The following MAML2 variants were observed in gnomAD, a reference collection of about 807,000 sequenced individuals.
MAML2 encodes the protein mastermind like transcriptional coactivator 2, also known as mastermind-like protein 2.
Under a neutral mutation model 96.1 loss-of-function variants are expected in MAML2, and 22 were observed. The ratio of observed to expected loss-of-function variants is 0.23; its 90% CI spans 0.16 to 0.33. The LOEUF (loss-of-function observed/expected upper bound fraction) is 0.33. MAML2 is among the 10% of genes least tolerant of loss of function. The probability of loss-of-function intolerance (pLI) is 1.00; values close to 1 mark genes in which losing one functional copy is unlikely to be tolerated. For synonymous variants in MAML2, 561 were observed against 521.3 expected (o/e 1.08, Z -1.04); for missense variants, 1,367 against 1,392.4 (o/e 0.98, Z 0.29).
At chr11:95,994,753 A>T (rs2135712629) in intron 2 of MAML2, among the ~76,000 whole-genome samples, 1 of 152,280 alleles carries the variant, frequency 6.6e-6, no homozygotes, top group South Asian at 2.1e-4. Flanking sequence ...CTTTCAAAAG[A>T]AGATTTTGTG....
rs182433931 is a variant in MAML2, at chr11:96,066,969, G to T, written c.2139+24923C>A. ...GATAGAGAAATAGAGAGAGCGGAGG[G>T]AGCTGTGGTAGGAGCAGTGGGCAGT... On this transcript the variant is annotated intron_variant, in intron 2 of 4. Transcript: ENST00000524717. 3.5e-3 allele frequency among the ~76,000 whole-genome samples: 532 copies of T among 152,302 alleles called. 4 individuals carry two copies. The highest frequency in any genetic ancestry group is 0.012 in the African/African-American group (502 of 41,568).
intron 2 of MAML2, among the ~76,000 whole-genome samples, chr11:96,072,237 G>C (rs540198898): frequency 2.0e-5 from 3 of 152,140 alleles, no homozygotes; most frequent in Non-Finnish European, 4.4e-5. Context: ...CCACATTTCT[G>C]TGTAGTTAAA....
intron 1 of MAML2, among the ~76,000 whole-genome samples, chr11:96,273,229 A>G (rs760760657): frequency 1.1e-4 from 16 of 152,216 alleles, no homozygotes; most frequent in Non-Finnish European, 1.9e-4. Context: ...CTGTTTATAA[A>G]TCAAGGCAAT....
intron 1 of MAML2, among the ~76,000 whole-genome samples, chr11:96,127,471 A>C (rs1402318522): frequency 2.0e-5 from 3 of 152,232 alleles, no homozygotes; most frequent in Admixed American, 6.5e-5. Context: ...CATCAAGGTC[A>C]ACTAGACATT....
intron 2 of MAML2, among the ~76,000 whole-genome samples, chr11:96,007,655 TTTG>T (rs1858205705): frequency 6.6e-6 from 1 of 151,908 alleles, no homozygotes; most frequent in African/African-American, 2.4e-5. Flanking sequence ...TAAGTATATA[TTTG>T]TTGTTAAGTA....
chr11:96,147,744 A>G (rs1239438773), intron 1 of MAML2, among the ~76,000 whole-genome samples: 1 of 152,274 alleles, frequency 6.6e-6, no homozygotes, highest in African/African-American at 2.4e-5. Flanking sequence ...AGGAAAATGA[A>G]TTTAGAGATG....
At chr11:96,294,092 G>A (rs138939855) in intron 1 of MAML2, among the ~76,000 whole-genome samples, 7 of 152,262 alleles carry the variant, frequency 4.6e-5, no homozygotes, top group African/African-American at 7.2e-5. Flanking sequence ...TTTTTAAACC[G>A]TTCTTCAAAA....
intron 1 of MAML2, among the ~76,000 whole-genome samples, chr11:96,159,048 T>C (rs1160353951): frequency 6.6e-6 from 1 of 152,198 alleles, no homozygotes; most frequent in Non-Finnish European, 1.5e-5. Flanking sequence ...AAGGAATCCC[T>C]GAAGGGTTAG....
intron 1 of MAML2, among the ~76,000 whole-genome samples, chr11:96,338,033 A>G (rs1863941009): frequency 6.6e-6 from 1 of 152,190 alleles, no homozygotes; most frequent in South Asian, 2.1e-4. Flanking sequence ...AGAAAAGATA[A>G]TCTCTGAAGC....
intron 1 of MAML2, among the ~76,000 whole-genome samples, chr11:96,177,916 T>TTGTGTGTG (rs58447778): frequency 0.1 from 13,933 of 139,700 alleles, 889 homozygotes; most frequent in Non-Finnish European, 0.14. Context: ...GAGACCTTAG[T>TTGTGTGTG]TGTGTGTGTG....
In MAML2 at chr11:96,135,862, CAA is replaced by C. The variant is rs10533557; in HGVS notation, c.514-42347_514-42346del. Among the ~76,000 whole-genome samples, 141 of 140,992 alleles carry C rather than the reference CAA, an allele frequency of 1.0e-3. 1 individual carries two copies. Among genetic ancestry groups the C allele is most frequent in the Middle Eastern group, 3.9e-3 (1 of 256 alleles). 92.5% of individuals were successfully genotyped at this position (140,992 alleles called of 152,430 possible). On this transcript the variant is annotated intron_variant, in intron 1 of 4. Transcript: ENST00000524717. ...TGGGCAACAGAGTGAGACACCATCT[CAA>C]AAAAAAAAAAAAAAATTATATTGAA...
chr11:96,064,520 T>C (rs193169955), intron 2 of MAML2, among the ~76,000 whole-genome samples: 34 of 152,386 alleles, frequency 2.2e-4, no homozygotes, highest in Non-Finnish European at 4.7e-4. Flanking sequence ...CAGATGTTAC[T>C]AAGTTCAAGT....
chr11:96,082,067 A>G (rs1023343705), intron 2 of MAML2, among the ~76,000 whole-genome samples: 3 of 151,856 alleles, frequency 2.0e-5, no homozygotes, highest in Non-Finnish European at 4.4e-5. Context: ...GTATATTGAC[A>G]CTTTCTCTCA....
At position 95,991,507 on chromosome 11, in the gene MAML2, G is replaced by A. The variant is rs772444267; in HGVS notation, c.2343+13C>T. On this transcript the variant is annotated intron_variant, in intron 3 of 4. Transcript: ENST00000524717. ...AACAGGTTTGTTCAGTAGAAATTAAGAGAAAGTTTTACCGCGTCAGCCAGC... is the reference window on the plus strand; with the variant it reads ...AACAGGTTTGTTCAGTAGAAATTAAAAGAAAGTTTTACCGCGTCAGCCAGC... 1.2e-6 allele frequency: 2 copies of A among 1,612,956 alleles called. No homozygotes were observed. The highest frequency in any genetic ancestry group is 1.7e-6 in the Non-Finnish European group (2 of 1,179,068).
chr11:96,151,817 T>C lies in MAML2; in HGVS notation c.514-58300A>G, dbSNP rs556121754. On this transcript the variant is annotated intron_variant, in intron 1 of 4. Transcript: ENST00000524717. ...GAGCCAATGAAACCTCTTTTGTTTA[T>C]AAATTACTCAGTCTCAGGTATTTTT... Among the ~76,000 whole-genome samples the C allele has an allele frequency of 7.2e-5, 11 of 152,366 alleles. No individual in the cohort carries two copies. In the South Asian group the frequency reaches 1.4e-3, roughly 20 times the overall value.
At chr11:96,006,042 T>C (rs1314854977) in intron 2 of MAML2, among the ~76,000 whole-genome samples, 1 of 152,222 alleles carries the variant, frequency 6.6e-6, no homozygotes, top group Non-Finnish European at 1.5e-5. Flanking sequence ...TGTAGTCTAA[T>C]GTGACATGAT....
Position 96,180,277 on chromosome 11 carries a change from G to C in MAML2, c.514-86760C>G, listed in dbSNP as rs1861461992. On this transcript the variant is annotated intron_variant, in intron 1 of 4. Coordinates refer to ENST00000524717, the MANE Select transcript of MAML2 (RefSeq NM_032427.4). ...GATTTTGACACTCCTCCCCCTGAGA[G>C]GTGGGTCTACGTTCCCTCCTCTCGA... Among the ~76,000 whole-genome samples, 4 of 152,328 alleles carry C rather than the reference G, an allele frequency of 2.6e-5. No homozygotes were observed. In the South Asian group the frequency reaches 8.3e-4, roughly 32 times the overall value.
chr11:96,283,465 G>A (rs913119676), intron 1 of MAML2, among the ~76,000 whole-genome samples: 2 of 152,138 alleles, frequency 1.3e-5, no homozygotes, highest in African/African-American at 4.8e-5. Flanking sequence ...CAAAATGCAG[G>A]CTTTGTGTGC....
At chr11:96,121,804 T>TTTTTTTTTTTTTTTTTTTTTA (rs1565221362) in intron 1 of MAML2, among the ~76,000 whole-genome samples, 1 of 137,252 alleles carries the variant, frequency 7.3e-6, no homozygotes, top group Admixed American at 7.5e-5. Flanking sequence ...TTTTTTTTTT[T>TTTTTTTTTTTTTTTTTTTTTA]GAGACGGAGT....
Sources: allele counts gnomAD v4.1 joint callset (sites outside exome capture counted in the v4.1 genomes callset), GRCh38; gene constraint gnomAD v4.1.1; transcripts MANE v1.5; gene names NCBI Gene and HGNC (gene_info 2026-07-23, HGNC 2026-07-21).